Variants in BANK1 observed in about 807,000 individuals in gnomAD.
BANK1 encodes B cell scaffold protein with ankyrin repeats 1.
BANK1 carries 95 observed loss-of-function variants against 94.5 expected under a neutral mutation model. The observed-to-expected ratio is 1.00, with a 90% CI of 0.85 to 1.19. The LOEUF (loss-of-function observed/expected upper bound fraction) is 1.19. Ranked by LOEUF, BANK1 falls within the 50% of genes most tolerant of loss-of-function variation. The pLI, the probability that BANK1 is intolerant of heterozygous loss-of-function variation, is 0.00. For missense variants in BANK1, 987 were observed against 932.2 expected (o/e 1.06, Z -0.77); for synonymous variants, 334 against 308.4 (o/e 1.08, Z -0.87).
intron 9 of BANK1, among the ~76,000 whole-genome samples, chr4:102,025,908 T>A (rs2148948648): frequency 6.6e-6 from 1 of 152,326 alleles, no homozygotes; most frequent in Non-Finnish European, 1.5e-5. Context: ...AAATACAACA[T>A]TGCTTTTAAA....
intron 2 of BANK1, among the ~76,000 whole-genome samples, chr4:101,840,134 A>T (rs1211191639): frequency 2.7e-5 from 4 of 147,946 alleles, no homozygotes; most frequent in Admixed American, 1.3e-4. Context: ...ACGCCCGGCT[A>T]ATTTTTTGTA....
At chr4:101,901,964 G>A (rs1452386172) in intron 6 of BANK1, among the ~76,000 whole-genome samples, 1 of 152,094 alleles carries the variant, frequency 6.6e-6, no homozygotes, top group Non-Finnish European at 1.5e-5. Context: ...GTTTCACCGT[G>A]TTAGCCAGGA....
Position 101,880,637 on chromosome 4 carries a change from G to GA in BANK1, c.903+9996dup, listed in dbSNP as rs1325280917. Among the ~76,000 whole-genome samples, 8 of 151,772 alleles carry GA rather than the reference G, an allele frequency of 5.3e-5. No individual in the cohort carries two copies. In the South Asian group the frequency reaches 1.7e-3, roughly 32 times the overall value. ...ATAGCCAAAGCAACTCTAAGCAAAA[G>GA]AAATTGGATGAATAACATTACCTAA... On this transcript the variant is annotated intron_variant, in intron 5 of 16. Coordinates refer to ENST00000322953, the MANE Select transcript of BANK1 (RefSeq NM_017935.5).
At chr4:101,842,045 A>G (rs1431457436) in intron 2 of BANK1, among the ~76,000 whole-genome samples, 1 of 152,184 alleles carries the variant, frequency 6.6e-6, no homozygotes, top group Non-Finnish European at 1.5e-5. Context: ...AAATTTAAAA[A>G]ACCTTTCTTA....
At chr4:102,042,325 C>T (rs1422701811) in intron 10 of BANK1, among the ~76,000 whole-genome samples, 1 of 151,940 alleles carries the variant, frequency 6.6e-6, no homozygotes, top group African/African-American at 2.4e-5. Context: ...CCAGAACTTG[C>T]CAGTTAGTTA....
At chr4:101,884,247 T>C (rs948404737) in intron 5 of BANK1, among the ~76,000 whole-genome samples, 3 of 152,330 alleles carry the variant, frequency 2.0e-5, no homozygotes, top group African/African-American at 4.8e-5. Context: ...ATACATCAGT[T>C]ATGCTCAAGT....
At chr4:101,842,216 C>T (rs1000294187) in intron 2 of BANK1, among the ~76,000 whole-genome samples, 3 of 152,154 alleles carry the variant, frequency 2.0e-5, no homozygotes, top group Admixed American at 6.5e-5. Flanking sequence ...ACCCATGTTG[C>T]GTCAGAACAC....
chr4:102,010,479 G>A (rs373678930), intron 7 of BANK1, among the ~76,000 whole-genome samples: 13 of 144,672 alleles, frequency 9.0e-5, no homozygotes, highest in East Asian at 6.5e-4. Flanking sequence ...TGCAGCTTCC[G>A]CCTCCCGGGT....
intron 6 of BANK1, among the ~76,000 whole-genome samples, chr4:101,915,266 C>T (rs180694141): frequency 6.6e-6 from 1 of 152,164 alleles, no homozygotes; most frequent in Non-Finnish European, 1.5e-5. Flanking sequence ...GACACTATGA[C>T]TAAATACTAG....
At chr4:101,982,163 T>C (rs1166535763) in intron 7 of BANK1, among the ~76,000 whole-genome samples, 1 of 152,156 alleles carries the variant, frequency 6.6e-6, no homozygotes, top group African/African-American at 2.4e-5. Context: ...GCTCCTATAA[T>C]GAATTAGTAG....
intron 1 of BANK1, among the ~76,000 whole-genome samples, chr4:101,792,570 G>T (rs976315826): frequency 6.6e-6 from 1 of 151,440 alleles, no homozygotes; most frequent in Admixed American, 6.6e-5. Context: ...AGAGAAGAGA[G>T]CACTGAGATC....
intron 1 of BANK1, among the ~76,000 whole-genome samples, chr4:101,808,447 T>G (rs1725633521): frequency 6.6e-6 from 1 of 151,934 alleles, no homozygotes; most frequent in Admixed American, 6.6e-5. Flanking sequence ...TCCTTGGAGG[T>G]GAACAGGAAG....
intron 7 of BANK1, among the ~76,000 whole-genome samples, chr4:101,984,347 A>G (rs924396710): frequency 6.6e-6 from 1 of 152,028 alleles, no homozygotes; most frequent in Non-Finnish European, 1.5e-5. Context: ...TTTTATGAAA[A>G]TGACACTAAG....
chr4:101,912,038 G>A (rs938299508), intron 6 of BANK1, among the ~76,000 whole-genome samples: 1 of 151,968 alleles, frequency 6.6e-6, no homozygotes, highest in Admixed American at 6.6e-5. Flanking sequence ...GCCTCAATTA[G>A]AAACACACAC....
chr4:101,799,602 T>C (rs933885685), intron 1 of BANK1, among the ~76,000 whole-genome samples: 4 of 152,148 alleles, frequency 2.6e-5, no homozygotes, highest in African/African-American at 9.7e-5. Flanking sequence ...TGGCCGGGCC[T>C]GGTGGCTCAT....
intron 7 of BANK1, among the ~76,000 whole-genome samples, chr4:101,925,194 T>G (rs1375907031): frequency 4.0e-5 from 6 of 151,710 alleles, no homozygotes; most frequent in Non-Finnish European, 7.4e-5. Context: ...GAAAAAATAT[T>G]ATTTAGAGTT....
intron 14 of BANK1, among the ~76,000 whole-genome samples, chr4:102,071,692 G>A (rs866229750): frequency 2.6e-5 from 4 of 152,210 alleles, no homozygotes; most frequent in African/African-American, 9.6e-5. Context: ...ATGGAAGCTC[G>A]TGCTTGATAC....
chr4:101,841,662 A>C (rs967192694), intron 2 of BANK1, among the ~76,000 whole-genome samples: 1 of 151,634 alleles, frequency 6.6e-6, no homozygotes, highest in African/African-American at 2.4e-5. Flanking sequence ...TTTAGGGTAC[A>C]TGTGCACAAT....
intron 11 of BANK1, among the ~76,000 whole-genome samples, chr4:102,056,124 A>AT (rs1728220217): frequency 6.6e-6 from 1 of 152,210 alleles, no homozygotes; most frequent in Admixed American, 6.5e-5. Flanking sequence ...GAATTGAATA[A>AT]TGCAAAATGC....
Sources: gnomAD v4.1 joint callset for allele counts (sites outside exome capture counted in the v4.1 genomes callset) on GRCh38, gnomAD v4.1.1 for gene constraint, MANE v1.5 for transcripts, NCBI Gene and HGNC (gene_info 2026-07-23, HGNC 2026-07-21) for gene names.